The following DLG1 variants were observed in gnomAD, a reference collection of about 807,000 sequenced individuals.
DLG1 encodes discs large MAGUK scaffold protein 1.
A neutral mutation model predicts 123.4 loss-of-function variants in DLG1; 42 were observed. The ratio of observed to expected loss-of-function variants is 0.34; its 90% CI spans 0.27 to 0.44. DLG1 has a LOEUF of 0.44. DLG1 is among the 20% of genes least tolerant of loss of function. The pLI is 1.00. For synonymous variants in DLG1, 317 were observed against 356.2 expected (o/e 0.89, Z 1.24); for missense variants, 942 against 1,082.6 (o/e 0.87, Z 1.82).
Position 197,065,363 on chromosome 3 carries a change from G to A in DLG1, c.2286C>T (p.Ile762=), listed in dbSNP as rs146071094. The A allele has an allele frequency of 7.1e-5, 114 of 1,612,670 alleles. 1 individual carries two copies. The Middle Eastern group carries it at 1.8e-3, about 26-fold the overall frequency. Residue 762 remains isoleucine (I), a synonymous_variant, in exon 22 of 25, where the codon ATC becomes ATT. Coordinates refer to ENST00000667157, the MANE Select transcript of DLG1 (RefSeq NM_001366207.1). ...CAGCTTCAATGAATTTATGTTCCTG[G>A]ATATCTTTTTCCATCTGCTCTCTTG... ...VTSREQMEKD[I]QEHKFIEAGQ... is the part of the protein sequence containing the mutation.
intron 4 of DLG1, among the ~76,000 whole-genome samples, chr3:197,276,640 A>G (rs1404883669): frequency 6.6e-6 from 1 of 152,140 alleles, no homozygotes; most frequent in Non-Finnish European, 1.5e-5. Context: ...TCTTAAGTTG[A>G]AAGGACTGGA....
intron 3 of DLG1, among the ~76,000 whole-genome samples, chr3:197,287,814 A>G (rs1264018764): frequency 6.6e-6 from 1 of 152,198 alleles, no homozygotes. Flanking sequence ...AACACTCTGT[A>G]TTGCTTAAGG....
intron 5 of DLG1, among the ~76,000 whole-genome samples, chr3:197,175,525 T>C (rs1186025491): frequency 6.6e-6 from 1 of 152,202 alleles, no homozygotes; most frequent in African/African-American, 2.4e-5. Context: ...TAAGCCATAG[T>C]GTTACATAAA....
At chr3:197,206,071 C>A (rs1728358276) in intron 4 of DLG1, among the ~76,000 whole-genome samples, 1 of 151,998 alleles carries the variant, frequency 6.6e-6, no homozygotes, top group Non-Finnish European at 1.5e-5. Flanking sequence ...TTCCTTTTGC[C>A]ATGTATTCAC....
At chr3:197,122,453 T>C (rs991615491) in intron 11 of DLG1, among the ~76,000 whole-genome samples, 3 of 151,906 alleles carry the variant, frequency 2.0e-5, no homozygotes, top group South Asian at 2.1e-4. Context: ...GTCTTACCAA[T>C]GCATCAGACA....
At chr3:197,286,089 T>C (rs1425088994) in intron 3 of DLG1, among the ~76,000 whole-genome samples, 2 of 152,076 alleles carry the variant, frequency 1.3e-5, no homozygotes, top group Admixed American at 6.5e-5. Flanking sequence ...GAACCGTAAA[T>C]ATATTACTAA....
At chr3:197,155,233 C>T (rs1795839927) in intron 5 of DLG1, among the ~76,000 whole-genome samples, 1 of 152,136 alleles carries the variant, frequency 6.6e-6, no homozygotes, top group Non-Finnish European at 1.5e-5. Context: ...GCAGACTTCA[C>T]ATCAGACACT....
In DLG1 at chr3:197,082,198, T is replaced by C. The variant is rs370680110; in HGVS notation, c.1839-1081A>G. Reference sequence around the variant, plus strand: ...CAGTCTGGCCAACATGGTGAAACCCTGTCTCTACTAAAAATATAAAAATTA... The same window carrying C: ...CAGTCTGGCCAACATGGTGAAACCCCGTCTCTACTAAAAATATAAAAATTA... On this transcript the variant is annotated intron_variant, in intron 16 of 24. Coordinates refer to ENST00000667157, the MANE Select transcript of DLG1 (RefSeq NM_001366207.1). Among the ~76,000 whole-genome samples, 6 of 151,964 alleles carry C rather than the reference T, an allele frequency of 3.9e-5. No individual in the cohort carries two copies. In the South Asian group the frequency reaches 1.0e-3, roughly 26 times the overall value.
chr3:197,183,753 C>A (rs1714030612), intron 5 of DLG1: 1 of 1,550,350 alleles, frequency 6.5e-7, no homozygotes, highest in Admixed American at 2.0e-5. Context: ...GCTAGTATTG[C>A]CTCCTCGACT....
intron 23 of DLG1, among the ~76,000 whole-genome samples, chr3:197,053,171 C>T (rs541927633): frequency 1.3e-5 from 2 of 152,250 alleles, no homozygotes; most frequent in African/African-American, 2.4e-5. Flanking sequence ...GTATAGAGTT[C>T]GTTCCCAACT....
At chr3:197,065,986 G>T (rs972736442) in intron 20 of DLG1, among the ~76,000 whole-genome samples, 177 bp from the exon 21 acceptor site, 2 of 152,104 alleles carry the variant, frequency 1.3e-5, no homozygotes, top group Admixed American at 1.3e-4. Context: ...TCTTGACTCA[G>T]ATCTTAAACT....
chr3:197,050,991 G>T (rs990608528), intron 24 of DLG1, among the ~76,000 whole-genome samples: 1 of 152,188 alleles, frequency 6.6e-6, no homozygotes, highest in African/African-American at 2.4e-5. Flanking sequence ...TTTCATAGAA[G>T]AAATGAAATC....
At chr3:197,152,414 A>G (rs1794332957) in intron 5 of DLG1, among the ~76,000 whole-genome samples, 1 of 145,310 alleles carries the variant, frequency 6.9e-6, no homozygotes, top group Admixed American at 7.0e-5. Context: ...TAAGGATCCC[A>G]AAGTCTTTTT....
intron 4 of DLG1, among the ~76,000 whole-genome samples, chr3:197,195,037 A>G (rs918680720): frequency 8.6e-5 from 13 of 150,466 alleles, no homozygotes; most frequent in Admixed American, 6.0e-4. Flanking sequence ...TTTAACTATA[A>G]TCTCTCTCTC....
intron 5 of DLG1, among the ~76,000 whole-genome samples, chr3:197,164,357 A>T (rs1050391735): frequency 1.3e-5 from 2 of 151,994 alleles, no homozygotes; most frequent in African/African-American, 4.8e-5. Context: ...AGATTGCGCC[A>T]TTGCACTCCA....
At chr3:197,178,888 G>C (rs549689781) in intron 5 of DLG1, among the ~76,000 whole-genome samples, 1 of 152,208 alleles carries the variant, frequency 6.6e-6, no homozygotes, top group South Asian at 2.1e-4. Flanking sequence ...TATTATAGCA[G>C]GTGTACATCC....
intron 4 of DLG1, among the ~76,000 whole-genome samples, chr3:197,279,062 T>C (rs1490418732): frequency 1.3e-5 from 2 of 152,222 alleles, no homozygotes; most frequent in African/African-American, 4.8e-5. Flanking sequence ...AGCAAGTGGA[T>C]TCTCTAAGTC....
chr3:197,169,331 G>C (rs1024372776), intron 5 of DLG1, among the ~76,000 whole-genome samples: 1 of 152,192 alleles, frequency 6.6e-6, no homozygotes, highest in African/African-American at 2.4e-5. Context: ...AGACAGAAGG[G>C]ACAATTAGGA....
At chr3:197,110,256 T>C (rs1011679416) in intron 13 of DLG1, among the ~76,000 whole-genome samples, 3 of 152,232 alleles carry the variant, frequency 2.0e-5, no homozygotes, top group Non-Finnish European at 4.4e-5. Flanking sequence ...TTCTTTCTTC[T>C]GCCAGCTCAA....
Sources: allele counts gnomAD v4.1 joint callset (sites outside exome capture counted in the v4.1 genomes callset), GRCh38; gene constraint gnomAD v4.1.1; transcripts MANE v1.5; gene names NCBI Gene and HGNC (gene_info 2026-07-23, HGNC 2026-07-21).